Variants in CNKSR2 observed in about 807,000 individuals in gnomAD.
CNKSR2 encodes CNK homolog protein 2.
A neutral mutation model predicts 84.4 loss-of-function variants in CNKSR2; 14 were observed. That is an observed-to-expected ratio of 0.17 (90% CI 0.11 to 0.26). The LOEUF is 0.26. CNKSR2 is among the 10% of genes least tolerant of loss of function. CNKSR2 has a pLI of 1.00. For synonymous variants in CNKSR2, 275 were observed against 277.9 expected, an observed-to-expected ratio of 0.99 and a Z score of 0.10; for missense variants, 485 against 771.2, an observed-to-expected ratio of 0.63 and a Z score of 4.40.
At chrX:21,379,948 T>C (rs999596096) in intron 1 of CNKSR2, among the ~76,000 whole-genome samples, 3 of 111,514 alleles carry the variant, frequency 2.7e-5, no homozygotes, top group African/African-American at 9.8e-5. Context: ...GGATGTATAC[T>C]AAATGTAGCG....
intron 9 of CNKSR2, among the ~76,000 whole-genome samples, chrX:21,521,987 A>T (rs917910918): frequency 9.0e-6 from 1 of 111,076 alleles, no homozygotes; most frequent in Admixed American, 9.6e-5. Flanking sequence ...GCCAGAAAAA[A>T]GTATTCCCAA....
At chrX:21,500,510 C>T (rs975176615) in intron 7 of CNKSR2, among the ~76,000 whole-genome samples, 1 of 110,990 alleles carries the variant, frequency 9.0e-6, no homozygotes, top group Non-Finnish European at 1.9e-5. Context: ...TAAACACATA[C>T]ACATCTATCT....
At chrX:21,436,210 C>G (rs2090702320) in intron 3 of CNKSR2, among the ~76,000 whole-genome samples, 1 of 111,485 alleles carries the variant, frequency 9.0e-6, no homozygotes, top group Non-Finnish European at 1.9e-5. Flanking sequence ...AAGGGAAGAG[C>G]AGTGACATTA....
intron 1 of CNKSR2, among the ~76,000 whole-genome samples, chrX:21,380,468 A>G (rs1379951475): frequency 3.6e-4 from 30 of 84,393 alleles, no homozygotes; most frequent in Non-Finnish European, 5.5e-4. Flanking sequence ...TTTTTTTGAG[A>G]TAGAGTCTTG....
intron 1 of CNKSR2, among the ~76,000 whole-genome samples, chrX:21,407,491 T>C (rs1414921178): frequency 2.7e-5 from 3 of 111,192 alleles, no homozygotes; most frequent in African/African-American, 9.8e-5. Flanking sequence ...TTTTTCTTTT[T>C]CTATTGTGTT....
chrX:21,550,111 TATC>T (rs2092071598), intron 11 of CNKSR2, among the ~76,000 whole-genome samples: 1 of 111,889 alleles, frequency 8.9e-6, no homozygotes, highest in East Asian at 2.8e-4. Context: ...GAAAAGAAAC[TATC>T]ATCAGAGTGA....
intron 1 of CNKSR2, among the ~76,000 whole-genome samples, chrX:21,421,211 G>A (rs1353409433): frequency 1.8e-5 from 2 of 109,160 alleles, no homozygotes; most frequent in African/African-American, 3.4e-5. Flanking sequence ...TCTCCCTCCA[G>A]CACAAAGAAA....
At chrX:21,421,942 A>G (rs958148938) in intron 1 of CNKSR2, 1 of 111,222 alleles carries the variant, frequency 9.0e-6, no homozygotes, top group Non-Finnish European at 1.9e-5. Context: ...GCTCCTGTCA[A>G]TCCTGCATCT....
intron 6 of CNKSR2, chrX:21,492,969 G>C (rs1025504923): frequency 8.9e-6 from 1 of 112,082 alleles, no homozygotes; most frequent in African/African-American, 3.2e-5. Flanking sequence ...AGAATACCAA[G>C]ATTTAATGAA....
At chrX:21,552,159 G>T (rs1253189743) in intron 11 of CNKSR2, among the ~76,000 whole-genome samples, 2 of 110,430 alleles carry the variant, frequency 1.8e-5, no homozygotes, top group African/African-American at 6.6e-5. Context: ...GGCTATTCAT[G>T]TTAGCTTTCA....
chrX:21,565,470 T>G (rs1026552725), intron 13 of CNKSR2, among the ~76,000 whole-genome samples: 3 of 111,758 alleles, frequency 2.7e-5, no homozygotes, highest in Admixed American at 9.6e-5. Flanking sequence ...TTCTAGAAAT[T>G]TATTCTAAGA....
chrX:21,514,994 G>T (rs1005420648), intron 8 of CNKSR2, among the ~76,000 whole-genome samples: 10 of 109,789 alleles, frequency 9.1e-5, no homozygotes, highest in Non-Finnish European at 1.5e-4. Flanking sequence ...ATAAGGGGAG[G>T]CATTTGACCA....
At chrX:21,467,276 A>T (rs1381928051) in intron 4 of CNKSR2, among the ~76,000 whole-genome samples, 1 of 111,488 alleles carries the variant, frequency 9.0e-6, no homozygotes, top group African/African-American at 3.3e-5. Flanking sequence ...TGAATCAACT[A>T]GATCCGTACT....
chrX:21,395,350 C>A (rs1414930059), intron 1 of CNKSR2, among the ~76,000 whole-genome samples: 1 of 111,175 alleles, frequency 9.0e-6, no homozygotes, highest in Non-Finnish European at 1.9e-5. Context: ...CAGAAATATT[C>A]ACCATGATTT....
intron 1 of CNKSR2, among the ~76,000 whole-genome samples, chrX:21,413,515 G>A (rs745532495): frequency 5.6e-4 from 61 of 109,860 alleles, no homozygotes; most frequent in African/African-American, 1.9e-3. Context: ...ATAGTCAGTC[G>A]ACTGAGTGAC....
chrX:21,420,214 T>G (rs1192777330), intron 1 of CNKSR2, among the ~76,000 whole-genome samples: 1 of 112,604 alleles, frequency 8.9e-6, no homozygotes, highest in Non-Finnish European at 1.9e-5. Flanking sequence ...AAACTACCAC[T>G]GCTGTTTCCT....
At chrX:21,479,304 A>G (rs2091291566) in intron 5 of CNKSR2, among the ~76,000 whole-genome samples, 1 of 111,963 alleles carries the variant, frequency 8.9e-6, no homozygotes. Flanking sequence ...ACACAGAGAC[A>G]TATATGTACA....
chrX:21,432,196 G>C (rs774179803), intron 2 of CNKSR2, among the ~76,000 whole-genome samples: 1 of 111,277 alleles, frequency 9.0e-6, no homozygotes, highest in Non-Finnish European at 1.9e-5. Flanking sequence ...TGGGGAAGCA[G>C]AATTATCCCT....
At chrX:21,555,593 A>G (rs761511260) in intron 11 of CNKSR2, among the ~76,000 whole-genome samples, 37 of 111,428 alleles carry the variant, frequency 3.3e-4, no homozygotes, top group Non-Finnish European at 5.7e-4. Flanking sequence ...TCTGTCTGGT[A>G]TGTGGGGTTT....
Sources: allele counts gnomAD v4.1 joint callset (sites outside exome capture counted in the v4.1 genomes callset), GRCh38; gene constraint gnomAD v4.1.1; transcripts MANE v1.5; gene names NCBI Gene and HGNC (gene_info 2026-07-23, HGNC 2026-07-21).